The following ZFC3H1 variants were observed in gnomAD, a reference collection of about 807,000 sequenced individuals.
The protein encoded by ZFC3H1 is zinc finger C3H1 domain-containing protein.
Under a neutral mutation model 243.7 loss-of-function variants are expected in ZFC3H1, and 71 were observed. That is an observed-to-expected ratio of 0.29 (90% CI 0.24 to 0.36). ZFC3H1 has a LOEUF of 0.36. ZFC3H1 is among the 10% of genes least tolerant of loss of function. ZFC3H1 has a pLI of 1.00. For missense variants in ZFC3H1, 1,966 were observed against 2,317.1 expected, an observed-to-expected ratio of 0.85 and a Z score of 3.11; for synonymous variants, 838 against 813.0, an observed-to-expected ratio of 1.03 and a Z score of -0.52.
At position 71,638,520 on chromosome 12, in the gene ZFC3H1, A is replaced by T. The variant is rs902928624; in HGVS notation, c.1628-5T>A. On this transcript the variant is annotated splice_polypyrimidine_tract_variant and splice_region_variant and intron_variant, in intron 6 of 34. Transcript: ENST00000378743. ...GCGGTTGCACTGGTGAAGGAGCTGT[A>T]AAAAAATTTTTTGTTAAGAGTTTAA... 6.3e-7 allele frequency: 1 copy of T among 1,592,162 alleles called. No homozygotes were observed. The highest frequency in any genetic ancestry group is 8.5e-7 in the Non-Finnish European group (1 of 1,173,638).
rs192296893 is a variant in ZFC3H1 at position 71,636,589 on chromosome 12, T to A, written c.2001A>T (p.Arg667Ser). 10 of 1,614,018 alleles carry A rather than the reference T, an allele frequency of 6.2e-6. No individual in the cohort carries two copies. The East Asian group carries it at 2.2e-4, about 36-fold the overall frequency. Residue 667 changes from arginine (R) to serine (S), a missense_variant, in exon 9 of 35, where the codon AGA becomes AGT. By Grantham distance (110) the Arg-to-Ser change is moderately radical. This residue lies in a region of ZFC3H1 where 1,383 missense variants were observed against 1,723.7 expected (regional missense o/e 0.80). Coordinates refer to ENST00000378743, the MANE Select transcript of ZFC3H1 (RefSeq NM_144982.5). ...PVLNNSHPVP[R>S]SNLSIVSINT... is the part of the protein sequence containing the mutation. ...TAATACTGACTATTGATAGATTGCT[T>A]CTTGGCACAGGATGTGAATTGTTCA...
chr12:71,662,086 C>T (rs1881192724), intron 1 of ZFC3H1, among the ~76,000 whole-genome samples: 1 of 152,152 alleles, frequency 6.6e-6, no homozygotes, highest in South Asian at 2.1e-4. Context: ...ACAATTTTTG[C>T]AATGATCACA....
intron 6 of ZFC3H1, among the ~76,000 whole-genome samples, chr12:71,641,849 T>C (rs1199703243): frequency 2.6e-5 from 4 of 152,100 alleles, no homozygotes; most frequent in Non-Finnish European, 5.9e-5. Flanking sequence ...TCTTTCCCAT[T>C]CTTCACTTTT....
intron 16 of ZFC3H1, 25 bp from the exon 17 acceptor site, chr12:71,630,979 A>G: frequency 6.5e-7 from 1 of 1,541,430 alleles, no homozygotes; most frequent in Non-Finnish European, 8.8e-7. Flanking sequence ...GTGAACAGGT[A>G]TATTATGCCC....
In ZFC3H1 at chr12:71,639,460, T is replaced by G. The variant is rs954155232; in HGVS notation, c.1628-945A>C. ...GCTCAGTGTTCTGCCCCATGAACATTTGAATGTTTAATAGTCAGACACTTG... is the reference window on the plus strand; with the variant it reads ...GCTCAGTGTTCTGCCCCATGAACATGTGAATGTTTAATAGTCAGACACTTG... On this transcript the variant is annotated intron_variant, in intron 6 of 34. Transcript: ENST00000378743. 4.1e-5 allele frequency: 8 copies of G among 195,522 alleles called. No homozygotes were observed. The Admixed American group carries it at 6.1e-4, about 15-fold the overall frequency. The allele number at this position is 195,522 out of a possible 1,614,324, so 12.1% of individuals were successfully genotyped here. A position where few individuals can be genotyped will look rare whatever the true frequency, so the allele number is the denominator to read the frequency against.
rs761789495 is a variant in ZFC3H1, at chr12:71,635,454, G to T, written c.2227C>A (p.Arg743=). 6.4e-7 allele frequency: 1 copy of T among 1,573,402 alleles called. No individual in the cohort carries two copies. The highest frequency in any genetic ancestry group is 1.2e-5 in the South Asian group (1 of 83,014). Reference sequence around the variant, plus strand: ...ATTATTGCACTTACCTCAGCAGTTCGTCTTGCTTCTTTAATCATGGACTCT... The same window carrying T: ...ATTATTGCACTTACCTCAGCAGTTCTTCTTGCTTCTTTAATCATGGACTCT... The part of the protein sequence containing the change: ...GLESMIKEAR[R]TAEQASKPKV... The change falls in exon 10 of 35, where the codon CGA becomes AGA. Residue 743 remains arginine (R), a synonymous_variant. Coordinates refer to ENST00000378743, the MANE Select transcript of ZFC3H1 (RefSeq NM_144982.5).
In ZFC3H1 at chr12:71,626,295, C is replaced by T; in HGVS notation, c.4282G>A (p.Val1428Ile). 6.2e-7 allele frequency: 1 copy of T among 1,613,830 alleles called. No individual in the cohort carries two copies. The highest frequency in any genetic ancestry group is 8.5e-7 in the Non-Finnish European group (1 of 1,179,958). ...CTTTGATAATCTGGAGCATATTCAA[C>T]AGCTGTTTCACACATTTCCTGCACC... ...DEVQEMCETA[V>I]EYAPDYQSFW... The change falls in exon 22 of 35, where the codon GTT becomes ATT. Residue 1428 changes from valine (V) to isoleucine (I), a missense_variant. This residue lies in a region of ZFC3H1 where 1,383 missense variants were observed against 1,723.7 expected (regional missense o/e 0.80). Coordinates refer to ENST00000378743, the MANE Select transcript of ZFC3H1 (RefSeq NM_144982.5).
chr12:71,660,673 T>C (rs557373816), intron 1 of ZFC3H1, among the ~76,000 whole-genome samples: 1 of 152,148 alleles, frequency 6.6e-6, no homozygotes, highest in African/African-American at 2.4e-5. Flanking sequence ...CCTTTTCTAA[T>C]ACAGAATAAA....
At chr12:71,649,865 G>A (rs527909243) in intron 2 of ZFC3H1, among the ~76,000 whole-genome samples, 7 of 152,274 alleles carry the variant, frequency 4.6e-5, no homozygotes, top group African/African-American at 1.7e-4. Context: ...AACATAGCAG[G>A]TACCTTATGA....
chr12:71,650,766 T>G (rs546338844), intron 2 of ZFC3H1, among the ~76,000 whole-genome samples: 9 of 152,328 alleles, frequency 5.9e-5, no homozygotes, highest in Admixed American at 5.9e-4. Context: ...TTCTCAGCAA[T>G]GCAGCCAGAG....
Position 71,636,837 on chromosome 12 carries a change from G to A in ZFC3H1, c.1935+13C>T, listed in dbSNP as rs1360350020. ...TCAAGAGCACCACCTAGAGGTTTAG[G>A]TACCTAAATTACCTCTGGCTTAAAA... On this transcript the variant is annotated intron_variant, in intron 8 of 34. Coordinates refer to ENST00000378743, the MANE Select transcript of ZFC3H1 (RefSeq NM_144982.5). 6.2e-7 allele frequency: 1 copy of A among 1,613,344 alleles called. No individual in the cohort carries two copies. The highest frequency in any genetic ancestry group is 1.7e-5 in the Admixed American group (1 of 59,958).
rs752638812 is a variant in ZFC3H1 at position 71,642,414 on chromosome 12, G to A, written c.1627+22C>T. 1.1e-5 allele frequency: 17 copies of A among 1,604,184 alleles called. No individual in the cohort carries two copies. The East Asian group carries it at 3.6e-4, about 34-fold the overall frequency. On this transcript the variant is annotated intron_variant, in intron 6 of 34. Transcript: ENST00000378743. ...TATTTAATACATGTAAATACACAAAGGTTTCAAGTTTTGGCTCATACCTGG... is the reference window on the plus strand; with the variant it reads ...TATTTAATACATGTAAATACACAAAAGTTTCAAGTTTTGGCTCATACCTGG...
intron 6 of ZFC3H1, among the ~76,000 whole-genome samples, chr12:71,640,846 C>T (rs1443773964): frequency 1.3e-5 from 2 of 151,628 alleles, no homozygotes; most frequent in Non-Finnish European, 2.9e-5. Flanking sequence ...AGTTTTTTAC[C>T]GTATTTGAAT....
rs770392126 is a variant in ZFC3H1, at chr12:71,663,382, A to G, written c.229T>C (p.Ser77Pro). ...TTCCTCAGCTGCTGCTGAGAAGAGGACGATGACGAGGAAGAGCCACCGCCT... is the reference window on the plus strand; with the variant it reads ...TTCCTCAGCTGCTGCTGAGAAGAGGGCGATGACGAGGAAGAGCCACCGCCT... Reference protein sequence around the residue: ...GGGGGSSSSSSSSQQQLRNFS... With the variant: ...GGGGGSSSSSPSSQQQLRNFS... The change falls in exon 1 of 35, where the codon TCC becomes CCC. Residue 77 changes from serine (S) to proline (P), a missense_variant. Physicochemically the swap from Ser to Pro is moderately conservative, Grantham distance 74. Transcript: ENST00000378743. 6.2e-7 allele frequency: 1 copy of G among 1,612,498 alleles called. No individual in the cohort carries two copies. The highest frequency in any genetic ancestry group is 8.5e-7 in the Non-Finnish European group (1 of 1,180,016).
Position 71,610,296 on chromosome 12 carries a change from G to A in ZFC3H1, c.*132C>T. 9.2e-7 allele frequency: 1 copy of A among 1,091,216 alleles called. No individual in the cohort carries two copies. The highest frequency in any genetic ancestry group is 1.3e-6 in the Non-Finnish European group (1 of 763,034). The allele number at this position is 1,091,216 out of a possible 1,614,324, so 67.6% of individuals were successfully genotyped here. A position where few individuals can be genotyped will look rare whatever the true frequency, so the allele number is the denominator to read the frequency against. The stretch of plus-strand genomic sequence containing the variant: ...CCGGTTTTGAGGACAGGATATTGTA[G>A]GGAACTTGATATGATCAATAACGCT... On this transcript the variant is annotated 3_prime_UTR_variant, in exon 35 of 35. Coordinates refer to ENST00000378743, the MANE Select transcript of ZFC3H1 (RefSeq NM_144982.5).
At position 71,627,786 on chromosome 12, in the gene ZFC3H1, G is replaced by C; in HGVS notation, c.4095C>G (p.Leu1365=). ...LENPSHVQLW[L]KLAYKYLNQN... ...GATTCAAGTACTTGTACGCAAGCTT[G>C]AGCCAAAGTTGTACATGAGAAGGAT... The change falls in exon 21 of 35, where the codon CTC becomes CTG. Residue 1365 remains leucine (L), a synonymous_variant. Coordinates refer to ENST00000378743, the MANE Select transcript of ZFC3H1 (RefSeq NM_144982.5). The C allele has an allele frequency of 6.2e-7, 1 of 1,613,364 alleles. No homozygotes were observed. Among genetic ancestry groups the C allele is most frequent in the Non-Finnish European group, 8.5e-7 (1 of 1,179,708 alleles).
At position 71,663,660 on chromosome 12, in the gene ZFC3H1, G is replaced by A. The variant is rs988296006; in HGVS notation, c.-50C>T. On this transcript the variant is annotated 5_prime_UTR_variant, in exon 1 of 35. Transcript: ENST00000378743. Reference sequence around the variant, plus strand: ...ACCTTAGCCCTCCGTCCGGGGATCCGCCCGACAATTGCCTCGTTTCCCTTC... The same window carrying A: ...ACCTTAGCCCTCCGTCCGGGGATCCACCCGACAATTGCCTCGTTTCCCTTC... 2 of 1,562,690 alleles carry A rather than the reference G, an allele frequency of 1.3e-6. No individual in the cohort carries two copies. Among genetic ancestry groups the A allele is most frequent in the African/African-American group, 1.4e-5 (1 of 74,012 alleles).
chr12:71,663,616 G>C lies in ZFC3H1; in HGVS notation c.-6C>G. On this transcript the variant is annotated 5_prime_UTR_variant, in exon 1 of 35. Coordinates refer to ENST00000378743, the MANE Select transcript of ZFC3H1 (RefSeq NM_144982.5). ...GGAGTATCTGCGGTCGCCATCCGGG[G>C]AGCAGCGCCTTCCACACAACCTTAG... is the stretch of plus-strand genomic sequence containing the variant. 6.2e-7 allele frequency: 1 copy of C among 1,605,932 alleles called. No homozygotes were observed.
Position 71,610,579 on chromosome 12 carries a change from G to T in ZFC3H1, c.5833-14C>A, listed in dbSNP as rs754891556. The T allele has an allele frequency of 6.2e-7, 1 of 1,612,820 alleles. No individual in the cohort carries two copies. Among genetic ancestry groups the T allele is most frequent in the South Asian group, 1.1e-5 (1 of 90,978 alleles). ...AAACAAGAGTTGCTGTAAAAGACAG[G>T]GAAGCATAGAAGTAAGACTTAGCTA... On this transcript the variant is annotated splice_polypyrimidine_tract_variant and intron_variant, in intron 34 of 34. Coordinates refer to ENST00000378743, the MANE Select transcript of ZFC3H1 (RefSeq NM_144982.5).
Sources: allele counts gnomAD v4.1 joint callset (sites outside exome capture counted in the v4.1 genomes callset), GRCh38; gene constraint gnomAD v4.1.1; regional missense constraint gnomAD v4.1.1; transcripts MANE v1.5; gene names NCBI Gene and HGNC (gene_info 2026-07-23, HGNC 2026-07-21).